TENM4: variants seen among roughly 807,000 people sequenced by gnomAD.
The protein encoded by TENM4 is teneurin transmembrane protein 4, also known as teneurin-4.
A neutral mutation model predicts 243.3 loss-of-function variants in TENM4; 82 were observed. That is an observed-to-expected ratio of 0.34 (90% CI 0.28 to 0.40). TENM4 has a LOEUF of 0.40. Among genes scored for constraint, TENM4 ranks in the 10% least tolerant of loss-of-function variants. TENM4 has a pLI of 1.00. For missense variants in TENM4, 3,138 were observed against 3,673.3 expected, an observed-to-expected ratio of 0.85 and a Z score of 3.77; for synonymous variants, 1,412 against 1,456.3, an observed-to-expected ratio of 0.97 and a Z score of 0.69.
chr11:78,949,736 CA>C (rs1857075272), intron 6 of TENM4, among the ~76,000 whole-genome samples: 1 of 152,044 alleles, frequency 6.6e-6, no homozygotes, highest in Non-Finnish European at 1.5e-5. Flanking sequence ...CTGAAATCTG[CA>C]GCATTAGGTT....
At chr11:78,683,764 G>C (rs897192157) in intron 29 of TENM4, among the ~76,000 whole-genome samples, 52 of 152,122 alleles carry the variant, frequency 3.4e-4, no homozygotes, top group Non-Finnish European at 6.6e-4. Context: ...GGGAGCTGTA[G>C]ACCGGAGCTG....
chr11:78,748,085 T>C (rs1296885495), intron 19 of TENM4, among the ~76,000 whole-genome samples: 1 of 152,214 alleles, frequency 6.6e-6, no homozygotes, highest in Non-Finnish European at 1.5e-5. Flanking sequence ...ACTACACCGA[T>C]GCTTCAGGTT....
At chr11:79,232,455 G>T (rs1357841988) in intron 2 of TENM4, among the ~76,000 whole-genome samples, 1 of 152,236 alleles carries the variant, frequency 6.6e-6, no homozygotes. Context: ...ATTCAGCAGT[G>T]ACTGCGAGTG....
At chr11:79,289,498 G>A (rs552143835) in intron 2 of TENM4, among the ~76,000 whole-genome samples, 2 of 152,322 alleles carry the variant, frequency 1.3e-5, no homozygotes, top group Admixed American at 6.5e-5. Context: ...GGGCAACAAG[G>A]CCAACTCCCT....
chr11:78,881,389 G>C (rs560787255), intron 9 of TENM4, among the ~76,000 whole-genome samples: 22 of 152,254 alleles, frequency 1.4e-4, no homozygotes, highest in African/African-American at 5.3e-4. Flanking sequence ...TGTCAGGGTG[G>C]GAAGAGAGTG....
chr11:78,845,416 T>C (rs1418887831), intron 12 of TENM4, among the ~76,000 whole-genome samples: 1 of 152,188 alleles, frequency 6.6e-6, no homozygotes, highest in Non-Finnish European at 1.5e-5. Context: ...TCATAACTAA[T>C]ACAGCCCGCA....
At chr11:79,326,349 C>T (rs532933921) in intron 1 of TENM4, among the ~76,000 whole-genome samples, 1 of 152,178 alleles carries the variant, frequency 6.6e-6, no homozygotes, top group Admixed American at 6.5e-5. Context: ...TACATTGAAC[C>T]TTTGCTCACA....
intron 2 of TENM4, among the ~76,000 whole-genome samples, chr11:79,237,299 C>T (rs1352058696): frequency 6.6e-6 from 1 of 152,124 alleles, no homozygotes; most frequent in Non-Finnish European, 1.5e-5. Context: ...TCCGGAGGCC[C>T]CACCCACCAC....
At chr11:79,183,917 T>TCC (rs1863335442) in intron 3 of TENM4, among the ~76,000 whole-genome samples, 1 of 152,158 alleles carries the variant, frequency 6.6e-6, no homozygotes, top group South Asian at 2.1e-4. Context: ...GAATGTAAAA[T>TCC]AGTGTTGCTG....
At position 79,064,954 on chromosome 11, in the gene TENM4, C is replaced by G. The variant is rs561431723; in HGVS notation, c.277G>C (p.Gly93Arg). 2 of 1,483,732 alleles carry G rather than the reference C, an allele frequency of 1.3e-6. No individual in the cohort carries two copies. Among genetic ancestry groups the G allele is most frequent in the Admixed American group, 2.4e-5 (1 of 42,070 alleles). 91.9% of individuals were successfully genotyped at this position (1,483,732 alleles called of 1,614,324 possible). A position where few individuals can be genotyped will look rare whatever the true frequency, so the allele number is the denominator to read the frequency against. The change falls in exon 6 of 34, where the codon GGG becomes CGG. Residue 93 changes from glycine to arginine, a missense_variant. By Grantham distance (125) the Gly-to-Arg change is moderately radical (BLOSUM62 -2). Around this residue, in one of 2 missense-constraint regions of TENM4, gnomAD observed 671 missense variants for 614.1 expected, o/e 1.09. Coordinates refer to ENST00000278550, the MANE Select transcript of TENM4 (RefSeq NM_001098816.3). ...LGLEEVTPPH[G>R]TLYRTDIGLP... ...CCAATGTCTGTCCGGTACAGGGTCC[C>G]GTGAGGGGGCGTTACTTCTTCCAGC...
chr11:79,168,385 G>C (rs796821001), intron 3 of TENM4, among the ~76,000 whole-genome samples: 4 of 152,286 alleles, frequency 2.6e-5, no homozygotes, highest in African/African-American at 9.6e-5. Context: ...CCAGGGGTGT[G>C]GGGGGATGCC....
intron 3 of TENM4, among the ~76,000 whole-genome samples, chr11:79,212,916 G>A (rs886269559): frequency 1.3e-5 from 2 of 152,202 alleles, no homozygotes; most frequent in Admixed American, 6.5e-5. Flanking sequence ...AGGAGGAAAG[G>A]GGCCTCTGGG....
chr11:78,877,593 T>C (rs568958557), intron 9 of TENM4, among the ~76,000 whole-genome samples: 2 of 152,200 alleles, frequency 1.3e-5, no homozygotes, highest in South Asian at 2.1e-4. Context: ...AGAGATGCAG[T>C]TGGGGGTCCT....
intron 2 of TENM4, among the ~76,000 whole-genome samples, chr11:79,259,627 A>C (rs1383723177): frequency 6.8e-6 from 1 of 147,670 alleles, no homozygotes; most frequent in Non-Finnish European, 1.5e-5. Context: ...CCCTCCACCC[A>C]TCCACTCCCC....
intron 6 of TENM4, among the ~76,000 whole-genome samples, chr11:78,917,749 C>T (rs1205675938): frequency 6.6e-6 from 1 of 152,122 alleles, no homozygotes; most frequent in Non-Finnish European, 1.5e-5. Flanking sequence ...TTTCATCTTC[C>T]CAAGAGTCCT....
intron 27 of TENM4, among the ~76,000 whole-genome samples, chr11:78,703,876 G>A (rs1296785560): frequency 4.0e-5 from 6 of 151,276 alleles, no homozygotes; most frequent in Non-Finnish European, 8.8e-5. Flanking sequence ...GTGTATGACT[G>A]GGTCTCACTC....
At chr11:78,893,595 T>G (rs1219067990) in intron 7 of TENM4, among the ~76,000 whole-genome samples, 1 of 152,140 alleles carries the variant, frequency 6.6e-6, no homozygotes, top group African/African-American at 2.4e-5. Context: ...AAGCTAAACC[T>G]TGGCTTTCCT....
At position 78,736,704 on chromosome 11, in the gene TENM4, TAACA is replaced by T. The variant is rs1425964306; in HGVS notation, c.2876+1743_2876+1746del. Among the ~76,000 whole-genome samples the T allele has an allele frequency of 2.0e-5, 3 of 152,206 alleles. No individual in the cohort carries two copies. In the South Asian group the frequency reaches 6.2e-4, roughly 31 times the overall value. ...GAGGGCAGTGATACCTGTTCACATG[TAACA>T]AACAGAGATTTTTGGATACTAAGAG... On this transcript the variant is annotated intron_variant, in intron 20 of 33. Transcript: ENST00000278550.
chr11:78,656,825 A>C lies in TENM4; in HGVS notation c.*1233T>G. 1 of 393,536 alleles carries C rather than the reference A, an allele frequency of 2.5e-6. No homozygotes were observed. 24.4% of individuals were successfully genotyped at this position (393,536 alleles called of 1,614,324 possible). A position where few individuals can be genotyped will look rare whatever the true frequency, so the allele number is the denominator to read the frequency against. Reference sequence around the variant, plus strand: ...ATTTCCTGGAAGCCCAGCCTGCCCCAGTCCAGCTCTGCGATCAGCTGGTAC... The same window carrying C: ...ATTTCCTGGAAGCCCAGCCTGCCCCCGTCCAGCTCTGCGATCAGCTGGTAC... On this transcript the variant is annotated 3_prime_UTR_variant, in exon 34 of 34. Coordinates refer to ENST00000278550, the MANE Select transcript of TENM4 (RefSeq NM_001098816.3).
Sources: allele counts gnomAD v4.1 joint callset (sites outside exome capture counted in the v4.1 genomes callset), GRCh38; gene constraint gnomAD v4.1.1; regional missense constraint gnomAD v4.1.1; transcripts MANE v1.5; gene names NCBI Gene and HGNC (gene_info 2026-07-23, HGNC 2026-07-21).